TBC1D20: variants seen among roughly 807,000 people sequenced by gnomAD.
TBC1D20 encodes TBC1 domain family member 20.
Under a neutral mutation model 41.6 loss-of-function variants are expected in TBC1D20, and 12 were observed. The ratio of observed to expected loss-of-function variants is 0.29; its 90% CI spans 0.18 to 0.47. The LOEUF is 0.47. TBC1D20 is among the 20% of genes least tolerant of loss of function. TBC1D20 has a pLI of 1.00. For missense variants in TBC1D20, 421 were observed against 517.4 expected (o/e 0.81, Z 1.81); for synonymous variants, 205 against 204.8 (o/e 1.00, Z -0.01).
At chr20:461,638 A>C (rs1347183682) in intron 1 of TBC1D20, among the ~76,000 whole-genome samples, 1 of 152,252 alleles carries the variant, frequency 6.6e-6, no homozygotes, top group Non-Finnish European at 1.5e-5. Flanking sequence ...CTGGGATTAC[A>C]GGCGCGAGCC....
intron 1 of TBC1D20, among the ~76,000 whole-genome samples, chr20:455,889 G>A (rs559882268): frequency 6.6e-6 from 1 of 152,188 alleles, no homozygotes; most frequent in Admixed American, 6.5e-5. Flanking sequence ...CTGAGATCAC[G>A]CCACTGCACT....
intron 1 of TBC1D20, among the ~76,000 whole-genome samples, chr20:452,325 A>G (rs1346789501): frequency 6.6e-6 from 1 of 151,894 alleles, no homozygotes; most frequent in Non-Finnish European, 1.5e-5. Flanking sequence ...AAACAAACAA[A>G]AAAAAGTGTA....
intron 1 of TBC1D20, among the ~76,000 whole-genome samples, chr20:459,202 T>C (rs1485666465): frequency 6.6e-6 from 1 of 152,204 alleles, no homozygotes; most frequent in Admixed American, 6.5e-5. Flanking sequence ...AGAAACATCA[T>C]AGAGCTATTC....
Position 438,348 on chromosome 20 carries a change from C to A in TBC1D20, c.*238G>T. ...CCAGGGAGGTGGCAGAGAGCCCATCCAAAAGCCCACTGGGAGAGGCATAAG... is the reference window on the plus strand; with the variant it reads ...CCAGGGAGGTGGCAGAGAGCCCATCAAAAAGCCCACTGGGAGAGGCATAAG... On this transcript the variant is annotated 3_prime_UTR_variant, in exon 8 of 8. Coordinates refer to ENST00000354200, the MANE Select transcript of TBC1D20 (RefSeq NM_144628.4). 1 of 533,552 alleles carries A rather than the reference C, an allele frequency of 1.9e-6. No homozygotes were observed. Among genetic ancestry groups the A allele is most frequent in the Non-Finnish European group, 3.3e-6 (1 of 302,174 alleles). The allele number at this position is 533,552 out of a possible 1,614,324, so 33.1% of individuals were successfully genotyped here.
chr20:459,602 G>A (rs1314709724), intron 1 of TBC1D20, among the ~76,000 whole-genome samples: 2 of 152,048 alleles, frequency 1.3e-5, no homozygotes, highest in African/African-American at 4.8e-5. Flanking sequence ...AAGGAAGATA[G>A]GTATGACTTT....
At chr20:438,937 C>A in intron 7 of TBC1D20, 96 bp from the exon 8 acceptor site, 1 of 1,516,288 alleles carries the variant, frequency 6.6e-7, no homozygotes, top group Admixed American at 1.9e-5. Context: ...CCTTTCATTG[C>A]TGGGAAAGCT....
chr20:439,301 G>A lies in TBC1D20; in HGVS notation c.769-6C>T. The A allele has an allele frequency of 1.2e-6, 2 of 1,600,092 alleles. No homozygotes were observed. Among genetic ancestry groups the A allele is most frequent in the Non-Finnish European group, 1.7e-6 (2 of 1,172,670 alleles). ...TGCTCGCGATACAACACAATCTGTG[G>A]GGAGGTAGTAAAGCCTTGCAGTCAG... On this transcript the variant is annotated splice_polypyrimidine_tract_variant and splice_region_variant and intron_variant, in intron 6 of 7. Coordinates refer to ENST00000354200, the MANE Select transcript of TBC1D20 (RefSeq NM_144628.4). This position sits in a 1 kb window ranked among gnomAD's most constrained non-coding sequence, Gnocchi z 4.6.
chr20:440,088 C>T (rs1352042953), intron 6 of TBC1D20, among the ~76,000 whole-genome samples, 160 bp downstream of exon 6: 1 of 152,198 alleles, frequency 6.6e-6, no homozygotes. Flanking sequence ...TTGTGTGTGA[C>T]ACCCCCATTA....
chr20:458,401 C>T (rs1351851367), intron 1 of TBC1D20, among the ~76,000 whole-genome samples: 5 of 151,686 alleles, frequency 3.3e-5, no homozygotes, highest in Non-Finnish European at 5.9e-5. Flanking sequence ...GCAGCCTCAA[C>T]CTTCTGGGCT....
At chr20:456,004 G>A (rs2017533247) in intron 1 of TBC1D20, among the ~76,000 whole-genome samples, 1 of 152,018 alleles carries the variant, frequency 6.6e-6, no homozygotes, top group Admixed American at 6.6e-5. Flanking sequence ...TTTTAGTCCA[G>A]ACGTGGCTCA....
intron 3 of TBC1D20, 105 bp downstream of exon 3, chr20:444,945 T>G (rs2017303238): frequency 3.1e-6 from 3 of 973,894 alleles, no homozygotes; most frequent in African/African-American, 1.6e-5. Flanking sequence ...AAAGGAGAGC[T>G]CTGAAGGTCC....
Position 440,331 on chromosome 20 carries a change from G to A in TBC1D20, c.685C>T (p.Leu229=), listed in dbSNP as rs748281635. 2 of 1,614,176 alleles carry A rather than the reference G, an allele frequency of 1.2e-6. No homozygotes were observed. Among genetic ancestry groups the A allele is most frequent in the East Asian group, 2.2e-5 (1 of 44,878 alleles). Reference sequence around the variant, plus strand: ...CGCACGACGTGCCTGAAGTCAGACAGGACATGCCCAAACCAGGTGATGAGC... The same window carrying A: ...CGCACGACGTGCCTGAAGTCAGACAAGACATGCCCAAACCAGGTGATGAGC... ...SWLITWFGHV[L]SDFRHVVRLY... is the part of the protein sequence containing the mutation. The change falls in exon 6 of 8, where the codon CTG becomes TTG. Residue 229 remains leucine (L), a synonymous_variant. Coordinates refer to ENST00000354200, the MANE Select transcript of TBC1D20 (RefSeq NM_144628.4).
intron 2 of TBC1D20, among the ~76,000 whole-genome samples, chr20:447,370 G>T (rs541813801): frequency 2.6e-5 from 4 of 151,866 alleles, no homozygotes; most frequent in Admixed American, 6.6e-5. Context: ...AATAAAAAAA[G>T]AACTTGCCTG....
chr20:456,695 G>A (rs2017546127), intron 1 of TBC1D20, among the ~76,000 whole-genome samples: 1 of 152,016 alleles, frequency 6.6e-6, no homozygotes, highest in South Asian at 2.1e-4. Context: ...CTCCCGAGTA[G>A]CTGGGATTAC....
At chr20:461,397 A>T (rs1394759253) in intron 1 of TBC1D20, among the ~76,000 whole-genome samples, 1 of 152,244 alleles carries the variant, frequency 6.6e-6, no homozygotes, top group Non-Finnish European at 1.5e-5. Flanking sequence ...TAGGGTCTCC[A>T]TCTGTCACCC....
At chr20:459,316 C>T (rs2017592425) in intron 1 of TBC1D20, among the ~76,000 whole-genome samples, 1 of 152,310 alleles carries the variant, frequency 6.6e-6, no homozygotes, top group Non-Finnish European at 1.5e-5. Context: ...GACTTGAGAA[C>T]GCTGTATCTG....
In TBC1D20 at chr20:462,318, C is replaced by T; in HGVS notation, c.70+18G>A. The T allele has an allele frequency of 7.8e-7, 1 of 1,284,714 alleles. No homozygotes were observed. Among genetic ancestry groups the T allele is most frequent in the South Asian group, 2.1e-5 (1 of 48,384 alleles). The allele number at this position is 1,284,714 out of a possible 1,614,324, so 79.6% of individuals were successfully genotyped here. The stretch of plus-strand genomic sequence containing the variant: ...CGCCCTCGCAGGCCGCTCCCGGCGC[C>T]CCGGTCGGCTTCCGTACCTGCCTTC... On this transcript the variant is annotated intron_variant, in intron 1 of 7. Transcript: ENST00000354200.
At chr20:449,474 A>G (rs1428071750) in intron 1 of TBC1D20, among the ~76,000 whole-genome samples, 3 of 136,500 alleles carry the variant, frequency 2.2e-5, no homozygotes, top group Admixed American at 7.7e-5. Context: ...ATGCACCTGT[A>G]ATCCCAGCTA....
Position 439,085 on chromosome 20 carries a change from A to G in TBC1D20, c.956+23T>C. 3.1e-6 allele frequency: 5 copies of G among 1,593,952 alleles called. No homozygotes were observed. Among genetic ancestry groups the G allele is most frequent in the Non-Finnish European group, 4.3e-6 (5 of 1,169,752 alleles). The stretch of plus-strand genomic sequence containing the variant: ...GCTCATTTACAGCCACCCCCATTCA[A>G]CCAGTGTCCCAGCCTTGCTCACCTC... On this transcript the variant is annotated intron_variant, in intron 7 of 7. Coordinates refer to ENST00000354200, the MANE Select transcript of TBC1D20 (RefSeq NM_144628.4). The surrounding 1 kb of genome is among the most constrained non-coding windows in gnomAD (Gnocchi z 4.6).
Sources: allele counts gnomAD v4.1 joint callset (sites outside exome capture counted in the v4.1 genomes callset), GRCh38; gene constraint gnomAD v4.1.1; non-coding constraint Gnocchi (gnomAD v3.1); transcripts MANE v1.5; gene names NCBI Gene and HGNC (gene_info 2026-07-23, HGNC 2026-07-21).